The following STK39 variants were observed in gnomAD, a reference collection of about 807,000 sequenced individuals.
STK39 encodes serine/threonine kinase 39.
In STK39, 20 loss-of-function variants were observed where a neutral mutation model predicts 77.8. That is an observed-to-expected ratio of 0.26 (90% confidence interval 0.18 to 0.37). The LOEUF (loss-of-function observed/expected upper bound fraction) is 0.37, where lower values mean the gene tolerates loss of function less well. STK39 is among the 10% of genes least tolerant of loss of function. The pLI, the probability that STK39 is intolerant of heterozygous loss-of-function variation, is 1.00. For missense variants in STK39, 479 were observed against 656.5 expected (o/e 0.73, Z 2.95); for synonymous variants, 246 against 234.1 (o/e 1.05, Z -0.47).
chr2:168,193,319 T>A (rs1224611538), intron 1 of STK39, among the ~76,000 whole-genome samples: 1 of 151,898 alleles, frequency 6.6e-6, no homozygotes. Context: ...CTTCACACAC[T>A]CTCACCCAGA....
intron 16 of STK39, among the ~76,000 whole-genome samples, chr2:168,008,629 T>C (rs1684192508): frequency 6.6e-6 from 1 of 152,060 alleles, no homozygotes; most frequent in Admixed American, 6.6e-5. Context: ...AGGTATTTAA[T>C]ACCACGAAAC....
chr2:167,954,576 G>A lies in STK39; in HGVS notation c.*920C>T, dbSNP rs900535714. ...ATATAGTTAGCAATCTAACAGAATGGCAACATTTTACATAGCATTCTAAAC... is the reference window on the plus strand; with the variant it reads ...ATATAGTTAGCAATCTAACAGAATGACAACATTTTACATAGCATTCTAAAC... On this transcript the variant is annotated 3_prime_UTR_variant, in exon 18 of 18. Coordinates refer to ENST00000355999, the MANE Select transcript of STK39 (RefSeq NM_013233.3). The A allele has an allele frequency of 1.3e-5, 2 of 152,532 alleles. No individual in the cohort carries two copies. Among genetic ancestry groups the A allele is most frequent in the African/African-American group, 4.8e-5 (2 of 41,418 alleles). 9.4% of individuals were successfully genotyped at this position (152,532 alleles called of 1,614,324 possible).
intron 10 of STK39, among the ~76,000 whole-genome samples, chr2:168,079,489 C>T (rs1022813737): frequency 6.6e-6 from 1 of 152,226 alleles, no homozygotes; most frequent in Non-Finnish European, 1.5e-5. Context: ...AAGAAGAGCA[C>T]CAGTCAAGTG....
chr2:168,021,545 C>T (rs1255731128), intron 14 of STK39, among the ~76,000 whole-genome samples: 1 of 152,214 alleles, frequency 6.6e-6, no homozygotes, highest in Non-Finnish European at 1.5e-5. Context: ...GCACAGGACA[C>T]TCTTGATTTC....
At chr2:168,109,266 T>A (rs985199950) in intron 10 of STK39, among the ~76,000 whole-genome samples, 9 of 152,230 alleles carry the variant, frequency 5.9e-5, no homozygotes, top group African/African-American at 2.2e-4. Context: ...TACCTGCTTT[T>A]AAAAAATATC....
In STK39 at chr2:168,162,131, T is replaced by A. The variant is rs553747942; in HGVS notation, c.573-289A>T. On this transcript the variant is annotated intron_variant, in intron 4 of 17. Transcript: ENST00000355999. ...TGAAACCCCATCTCTACTAAAAATA[T>A]AAAAATTAGTTGGGCATGGTGGCAG... Among the ~76,000 whole-genome samples the A allele has an allele frequency of 4.6e-5, 7 of 151,780 alleles. No individual in the cohort carries two copies. The East Asian group carries it at 1.4e-3, about 29-fold the overall frequency.
At chr2:168,151,726 G>A (rs151138598) in intron 5 of STK39, among the ~76,000 whole-genome samples, 2,763 of 140,492 alleles carry the variant, frequency 0.02, 53 homozygotes, top group Middle Eastern at 0.049. Flanking sequence ...GCGACAGAGT[G>A]AGACTCGGTC....
intron 16 of STK39, among the ~76,000 whole-genome samples, chr2:167,982,045 C>T (rs1023797052): frequency 2.0e-5 from 3 of 152,160 alleles, no homozygotes; most frequent in Non-Finnish European, 4.4e-5. Flanking sequence ...CTGCAAGATA[C>T]AGTTCGTGGA....
intron 3 of STK39, 40 bp downstream of exon 3, chr2:168,167,259 G>A: frequency 6.5e-7 from 1 of 1,546,032 alleles, no homozygotes. Flanking sequence ...CAAAAGGAGA[G>A]AAAACAAGCA....
At chr2:168,247,161 C>A in intron 1 of STK39, 67 bp downstream of exon 1, 1 of 1,086,720 alleles carries the variant, frequency 9.2e-7, no homozygotes. Flanking sequence ...GCCCAGCATC[C>A]CGCGCCCCCT....
chr2:168,029,107 T>C (rs951688134), intron 14 of STK39, among the ~76,000 whole-genome samples: 2 of 151,124 alleles, frequency 1.3e-5, no homozygotes, highest in African/African-American at 4.9e-5. Context: ...GGATGTTAAA[T>C]AGTTTCAAAA....
intron 8 of STK39, among the ~76,000 whole-genome samples, chr2:168,131,670 G>C (rs1356807822): frequency 2.0e-5 from 3 of 152,138 alleles, no homozygotes; most frequent in African/African-American, 7.2e-5. Flanking sequence ...AAAGAACCCT[G>C]GATCTCCGTA....
chr2:168,228,108 C>T (rs1690355091), intron 1 of STK39, among the ~76,000 whole-genome samples: 1 of 152,132 alleles, frequency 6.6e-6, no homozygotes, highest in South Asian at 2.1e-4. Context: ...TAGATGTATT[C>T]CGTGATTCTG....
At position 167,987,760 on chromosome 2, in the gene STK39, A is replaced by T. The variant is rs145535988; in HGVS notation, c.1499-23034T>A. ...AACCCCATCTATCTGTGGTCCTTTT[A>T]ATGAGATTTTAATTTCACTGTTGAG... On this transcript the variant is annotated intron_variant, in intron 16 of 17. Coordinates refer to ENST00000355999, the MANE Select transcript of STK39 (RefSeq NM_013233.3). Among the ~76,000 whole-genome samples the T allele has an allele frequency of 7.9e-3, 1,206 of 152,268 alleles. 16 individuals are homozygous for T. The highest frequency in any genetic ancestry group is 0.027 in the African/African-American group (1,138 of 41,554).
intron 10 of STK39, among the ~76,000 whole-genome samples, chr2:168,120,645 A>G (rs16854750): frequency 0.14 from 20,905 of 152,246 alleles, 1,774 homozygotes; most frequent in East Asian, 0.21. Context: ...TAATAACTAT[A>G]GTAATAAAAG....
At chr2:168,236,988 C>T (rs1003072936) in intron 1 of STK39, among the ~76,000 whole-genome samples, 61 of 152,164 alleles carry the variant, frequency 4.0e-4, no homozygotes, top group Non-Finnish European at 7.6e-4. Flanking sequence ...TGAAGAAAGT[C>T]ATTGGTAGCT....
At chr2:167,990,827 T>C (rs546215607) in intron 16 of STK39, among the ~76,000 whole-genome samples, 1 of 152,348 alleles carries the variant, frequency 6.6e-6, no homozygotes, top group South Asian at 2.1e-4. Context: ...GGTCAACAAA[T>C]TCCTGCGTAC....
intron 8 of STK39, among the ~76,000 whole-genome samples, chr2:168,137,354 T>C (rs1403803845): frequency 1.3e-5 from 2 of 152,110 alleles, no homozygotes; most frequent in Non-Finnish European, 2.9e-5. Flanking sequence ...CAAAGGGACC[T>C]TACCCAGGCA....
chr2:168,075,338 G>T, intron 10 of STK39, 107 bp from the exon 11 acceptor site: 1 of 1,448,434 alleles, frequency 6.9e-7, no homozygotes, highest in Non-Finnish European at 9.4e-7. Context: ...AAAATAACCT[G>T]AGTGGCTGTG....
Sources: allele counts gnomAD v4.1 joint callset (sites outside exome capture counted in the v4.1 genomes callset), GRCh38; gene constraint gnomAD v4.1.1; transcripts MANE v1.5; gene names NCBI Gene and HGNC (gene_info 2026-07-23, HGNC 2026-07-21).